The following ARID2 variants were observed in gnomAD, a reference collection of about 807,000 sequenced individuals.
ARID2 encodes the protein AT-rich interactive domain-containing protein 2.
A neutral mutation model predicts 184.6 loss-of-function variants in ARID2; 32 were observed. The ratio of observed to expected loss-of-function variants is 0.17; its 90% CI spans 0.13 to 0.23. The LOEUF (loss-of-function observed/expected upper bound fraction) is 0.23. ARID2 is among the 10% of genes least tolerant of loss of function. The probability of loss-of-function intolerance (pLI) is 1.00; values close to 1 mark genes in which losing one functional copy is unlikely to be tolerated. For missense variants in ARID2, 1,696 were observed against 2,197.6 expected (o/e 0.77, Z 4.56); for synonymous variants, 836 against 772.6 (o/e 1.08, Z -1.36).
intron 3 of ARID2, among the ~76,000 whole-genome samples, chr12:45,761,586 A>G (rs1033575668): frequency 1.3e-5 from 2 of 152,086 alleles, no homozygotes; most frequent in East Asian, 1.9e-4. Flanking sequence ...GAAATCTGGT[A>G]TCAGTTTGAC....
At position 45,830,326 on chromosome 12, in the gene ARID2, A is replaced by G. The variant is rs1943090989; in HGVS notation, c.706-6263A>G. Among the ~76,000 whole-genome samples the G allele has an allele frequency of 2.6e-5, 4 of 152,330 alleles. No individual in the cohort carries two copies. In the South Asian group the frequency reaches 6.2e-4, roughly 24 times the overall value. ...ATCATCTACAGAGAAATACTGGTTC[A>G]GAATGACTGTATTAATTTCTTCATT... On this transcript the variant is annotated intron_variant, in intron 6 of 20. Transcript: ENST00000334344.
At chr12:45,743,359 ACT>A (rs1437641782) in intron 3 of ARID2, among the ~76,000 whole-genome samples, 1 of 151,956 alleles carries the variant, frequency 6.6e-6, no homozygotes, top group Non-Finnish European at 1.5e-5. Context: ...ACTGAGCAAG[ACT>A]CTGTCTCAAA....
rs200769917 is a variant in ARID2, at chr12:45,881,654, GTCT to G, written c.4923-10120_4923-10118del. 1,074 of 164,088 alleles carry G rather than the reference GTCT, an allele frequency of 6.5e-3. 10 individuals carry two copies. Among genetic ancestry groups the G allele is most frequent in the African/African-American group, 0.024 (1,012 of 41,734 alleles). 10.2% of individuals were successfully genotyped at this position (164,088 alleles called of 1,614,324 possible). On this transcript the variant is annotated intron_variant, in intron 16 of 20. Transcript: ENST00000334344. Reference sequence around the variant, plus strand: ...TGTCTCCCTTCCGGTGGATTTTTTTGTCTTCTTCACTTAACCACTGTGTTCCCT... The same window carrying G: ...TGTCTCCCTTCCGGTGGATTTTTTTGTCTTCACTTAACCACTGTGTTCCCT...
intron 16 of ARID2, among the ~76,000 whole-genome samples, chr12:45,862,601 A>G (rs777222649): frequency 1.3e-5 from 2 of 152,190 alleles, no homozygotes; most frequent in Non-Finnish European, 2.9e-5. Context: ...CCAGCTGCCC[A>G]GGAAGGCTGA....
In ARID2 at chr12:45,850,998, A is replaced by G. The variant is rs1455202847; in HGVS notation, c.2875A>G (p.Thr959Ala). ...TCCAGCAGCTCTTCCAGCTGGTCAG[A>G]CAGTTCAGCTAACTGGACAACCTAA... ...ANPAALPAGQ[T>A]VQLTGQPNIT... Residue 959 changes from threonine (T) to alanine (A), a missense_variant, in exon 15 of 21, where the codon ACA (threonine) becomes GCA (alanine). Coordinates refer to ENST00000334344, the MANE Select transcript of ARID2 (RefSeq NM_152641.4). 2 of 1,614,144 alleles carry G rather than the reference A, an allele frequency of 1.2e-6. No individual in the cohort carries two copies. Among genetic ancestry groups the G allele is most frequent in the Non-Finnish European group, 1.7e-6 (2 of 1,180,008 alleles).
intron 3 of ARID2, among the ~76,000 whole-genome samples, chr12:45,767,049 T>C (rs1173576363): frequency 6.6e-6 from 1 of 152,202 alleles, no homozygotes; most frequent in African/African-American, 2.4e-5. Flanking sequence ...TTGATCCATG[T>C]TGTCACTCAA....
At chr12:45,787,538 G>A (rs547989698) in intron 3 of ARID2, among the ~76,000 whole-genome samples, 17 of 152,024 alleles carry the variant, frequency 1.1e-4, no homozygotes, top group Non-Finnish European at 2.1e-4. Flanking sequence ...CTGGACAGAC[G>A]TGTACATATA....
At chr12:45,765,451 TC>T in intron 3 of ARID2, among the ~76,000 whole-genome samples, 1 of 152,100 alleles carries the variant, frequency 6.6e-6, no homozygotes, top group South Asian at 2.1e-4. Context: ...GCTCAAGTGA[TC>T]CTCCTGCCTT....
chr12:45,749,520 A>G (rs1018340040), intron 3 of ARID2, among the ~76,000 whole-genome samples: 2 of 152,156 alleles, frequency 1.3e-5, no homozygotes, highest in Non-Finnish European at 2.9e-5. Flanking sequence ...CCCCTAACAA[A>G]AGAGTCAGCT....
chr12:45,729,709 G>C lies in ARID2; in HGVS notation c.-128G>C, dbSNP rs1940930935. ...CGCCGCCGCCGCCGCCGCCACCGCCGGCCCATGACTGAGCCCCGCCGCCGC... is the reference window on the plus strand; with the variant it reads ...CGCCGCCGCCGCCGCCGCCACCGCCCGCCCATGACTGAGCCCCGCCGCCGC... On this transcript the variant is annotated 5_prime_UTR_variant, in exon 1 of 21. Transcript: ENST00000334344. 1 of 484,846 alleles carries C rather than the reference G, an allele frequency of 2.1e-6. No homozygotes were observed. Among genetic ancestry groups the C allele is most frequent in the African/African-American group, 2.5e-5 (1 of 39,650 alleles). The allele number at this position is 484,846 out of a possible 1,614,324, so 30.0% of individuals were successfully genotyped here. A position where few individuals can be genotyped will look rare whatever the true frequency, so the allele number is the denominator to read the frequency against.
At chr12:45,811,320 G>T (rs1387506328) in intron 3 of ARID2, 98 bp from the exon 4 acceptor site, 1 of 1,275,594 alleles carries the variant, frequency 7.8e-7, no homozygotes, top group South Asian at 1.7e-5. Context: ...AATTTTTTTA[G>T]ATTATTGTTT....
chr12:45,782,398 G>A (rs991013261), intron 3 of ARID2, among the ~76,000 whole-genome samples: 13 of 152,252 alleles, frequency 8.5e-5, no homozygotes, highest in African/African-American at 2.9e-4. Flanking sequence ...CTGGGAGGCC[G>A]AGGTGGATGG....
At chr12:45,856,822 A>G (rs1249925667) in intron 15 of ARID2, among the ~76,000 whole-genome samples, 9 of 152,192 alleles carry the variant, frequency 5.9e-5, no homozygotes, top group African/African-American at 1.7e-4. Flanking sequence ...AGTTTATATA[A>G]ATATAAAATA....
chr12:45,899,470 G>A (rs1188227254), intron 20 of ARID2, among the ~76,000 whole-genome samples: 1 of 149,672 alleles, frequency 6.7e-6, no homozygotes, highest in Non-Finnish European at 1.5e-5. Flanking sequence ...GCTGGGCGTG[G>A]TGGCGGGCGC....
At chr12:45,889,192 A>G (rs1169986552) in intron 16 of ARID2, among the ~76,000 whole-genome samples, 1 of 151,860 alleles carries the variant, frequency 6.6e-6, no homozygotes, top group African/African-American at 2.4e-5. Flanking sequence ...AAATAATAAT[A>G]ATAATTTGTA....
chr12:45,908,008 G>A lies in ARID2; in HGVS notation c.*2930G>A, dbSNP rs776860496. On this transcript the variant is annotated 3_prime_UTR_variant, in exon 21 of 21. Coordinates refer to ENST00000334344, the MANE Select transcript of ARID2 (RefSeq NM_152641.4). ...ATGTCATGTATGTTTTTTTAACCAT[G>A]AAATGACAATAAAATGATTTTTAAA... 1.0e-4 allele frequency: 23 copies of A among 225,696 alleles called. No homozygotes were observed. Among genetic ancestry groups the A allele is most frequent in the Admixed American group, 2.9e-4 (5 of 17,512 alleles). The allele number at this position is 225,696 out of a possible 1,614,324, so 14.0% of individuals were successfully genotyped here. A position where few individuals can be genotyped will look rare whatever the true frequency, so the allele number is the denominator to read the frequency against.
Position 45,851,830 on chromosome 12 carries a change from C to T in ARID2, c.3707C>T (p.Pro1236Leu), listed in dbSNP as rs1394005285. Reference sequence around the variant, plus strand: ...TCATCATGTACTACTGCTACTCCCCCATTCAAAGGTGATAAAATAATTTGC... The same window carrying T: ...TCATCATGTACTACTGCTACTCCCCTATTCAAAGGTGATAAAATAATTTGC... ...GQSSCTTATP[P>L]FKGDKIICQK... Residue 1236 changes from proline (P) to leucine (L), a missense_variant, in exon 15 of 21, where the codon CCA (proline) becomes CTA (leucine). By Grantham distance (98) the Pro-to-Leu change is moderately conservative. Around this residue, in one of 11 missense-constraint regions of ARID2, gnomAD observed 428 missense variants for 409.1 expected, o/e 1.05. Transcript: ENST00000334344. 6.2e-7 allele frequency: 1 copy of T among 1,614,136 alleles called. No homozygotes were observed. The highest frequency in any genetic ancestry group is 8.5e-7 in the Non-Finnish European group (1 of 1,180,018).
rs977182854 is a variant in ARID2 at position 45,805,986 on chromosome 12, A to G, written c.285-5432A>G. Among the ~76,000 whole-genome samples, 4 of 152,126 alleles carry G rather than the reference A, an allele frequency of 2.6e-5. 1 individual carries two copies. In the South Asian group the frequency reaches 6.2e-4, roughly 24 times the overall value. On this transcript the variant is annotated intron_variant, in intron 3 of 20. Coordinates refer to ENST00000334344, the MANE Select transcript of ARID2 (RefSeq NM_152641.4). ...ACCATTTCTTAATTTTGTTTCATCTATCAGACTGTTTGTTTGTTTGTTTTT... is the reference window on the plus strand; with the variant it reads ...ACCATTTCTTAATTTTGTTTCATCTGTCAGACTGTTTGTTTGTTTGTTTTT...
intron 3 of ARID2, among the ~76,000 whole-genome samples, chr12:45,758,779 GAGA>G (rs907110526): frequency 1.3e-5 from 2 of 152,138 alleles, no homozygotes; most frequent in Admixed American, 6.5e-5. Context: ...GAGTAAAAGA[GAGA>G]AGAAGCACTT....
Sources: allele counts gnomAD v4.1 joint callset (sites outside exome capture counted in the v4.1 genomes callset), GRCh38; gene constraint gnomAD v4.1.1; regional missense constraint gnomAD v4.1.1; transcripts MANE v1.5; gene names NCBI Gene and HGNC (gene_info 2026-07-23, HGNC 2026-07-21).